EFHD1: variants seen among roughly 807,000 people sequenced by gnomAD.
EFHD1 encodes the protein EF-hand domain family member D1.
A neutral mutation model predicts 17.2 loss-of-function variants in EFHD1; 10 were observed. That is an observed-to-expected ratio of 0.58 (90% CI 0.36 to 0.99). The LOEUF (loss-of-function observed/expected upper bound fraction) is 0.99. EFHD1 is among the 50% of genes least tolerant of loss of function. The pLI is 0.01. For missense variants in EFHD1, 310 were observed against 327.5 expected (o/e 0.95, Z 0.41); for synonymous variants, 153 against 142.0 (o/e 1.08, Z -0.55).
At chr2:232,636,677 A>C (rs1694325205) in intron 1 of EFHD1, among the ~76,000 whole-genome samples, 1 of 152,076 alleles carries the variant, frequency 6.6e-6, no homozygotes, top group South Asian at 2.1e-4. Flanking sequence ...TACAAAAATT[A>C]GCCAGGCATG....
At chr2:232,675,282 A>G (rs569665930) in intron 3 of EFHD1, among the ~76,000 whole-genome samples, 1 of 152,188 alleles carries the variant, frequency 6.6e-6, no homozygotes, top group South Asian at 2.1e-4. Context: ...AAGAAAGAAT[A>G]TGGTGATCAG....
chr2:232,659,813 C>T (rs905669550), intron 1 of EFHD1, among the ~76,000 whole-genome samples: 19 of 152,172 alleles, frequency 1.2e-4, no homozygotes, highest in Non-Finnish European at 1.8e-4. Flanking sequence ...AGCATGGCAG[C>T]GTGTGCTTGG....
At chr2:232,641,269 A>G (rs1694426781) in intron 1 of EFHD1, among the ~76,000 whole-genome samples, 1 of 152,058 alleles carries the variant, frequency 6.6e-6, no homozygotes, top group Admixed American at 6.6e-5. Flanking sequence ...CCTGGGCTCA[A>G]GTGATCCTCC....
chr2:232,632,304 A>G (rs1694217682), upstream of EFHD1, among the ~76,000 whole-genome samples: 1 of 152,236 alleles, frequency 6.6e-6, no homozygotes, highest in African/African-American at 2.4e-5. Context: ...TTTTAAAAAT[A>G]ACATTTTAAC....
chr2:232,662,749 G>A (rs1323077224), intron 1 of EFHD1, 53 bp from the exon 2 acceptor site: 26 of 1,546,822 alleles, frequency 1.7e-5, no homozygotes, highest in South Asian at 8.8e-5. Flanking sequence ...TACATGTTTC[G>A]GAGACTAACG....
intron 1 of EFHD1, among the ~76,000 whole-genome samples, chr2:232,615,338 T>A (rs997268372): frequency 4.0e-5 from 6 of 151,000 alleles, no homozygotes; most frequent in Non-Finnish European, 8.8e-5. Flanking sequence ...TGTGTGTGTG[T>A]GTGTGTGTGT....
chr2:232,641,844 C>A (rs1287868619), intron 1 of EFHD1, among the ~76,000 whole-genome samples: 3 of 152,144 alleles, frequency 2.0e-5, no homozygotes, highest in Non-Finnish European at 4.4e-5. Flanking sequence ...AGCCTGGTGT[C>A]CCCCCAGTTG....
intron 1 of EFHD1, among the ~76,000 whole-genome samples, chr2:232,607,294 T>A (rs1026298350): frequency 6.6e-6 from 1 of 151,432 alleles, no homozygotes; most frequent in Non-Finnish European, 1.5e-5. Context: ...ATTTAAAAAT[T>A]AGCCGGTCGG....
chr2:232,656,225 G>A (rs143336789), intron 1 of EFHD1, among the ~76,000 whole-genome samples: 94 of 152,266 alleles, frequency 6.2e-4, no homozygotes, highest in African/African-American at 2.1e-3. Context: ...GGGTAGGACT[G>A]TGGCCCTTGC....
intron 1 of EFHD1, among the ~76,000 whole-genome samples, chr2:232,616,867 G>A (rs893104148): frequency 2.0e-5 from 3 of 152,190 alleles, no homozygotes; most frequent in Non-Finnish European, 4.4e-5. Flanking sequence ...AAACTTAGTG[G>A]CATAAAGCAG....
chr2:232,614,009 CAT>C (rs202153447), intron 1 of EFHD1, among the ~76,000 whole-genome samples: 31 of 151,448 alleles, frequency 2.0e-4, no homozygotes, highest in East Asian at 9.8e-4. Context: ...TGCACATACA[CAT>C]ATACACACAA....
chr2:232,652,402 C>A (rs1017766036), intron 1 of EFHD1, among the ~76,000 whole-genome samples: 1 of 152,132 alleles, frequency 6.6e-6, no homozygotes, highest in Non-Finnish European at 1.5e-5. Context: ...CTTCCAAGTT[C>A]ACGGGTACAT....
intron 1 of EFHD1, among the ~76,000 whole-genome samples, chr2:232,646,240 G>A (rs900785462): frequency 6.6e-6 from 1 of 152,018 alleles, no homozygotes; most frequent in Non-Finnish European, 1.5e-5. Flanking sequence ...GACTCCTCAT[G>A]TGGACCCTTA....
rs76784189 is a variant in EFHD1 at position 232,624,152 on chromosome 2, A to G, written c.14+17979A>G. On this transcript the variant is annotated intron_variant, in intron 1 of 3. Transcript: ENST00000409613. The stretch of plus-strand genomic sequence containing the variant: ...TTTTGCTGCTCCTGTCGGGTGAGGA[A>G]TAAGACTGATGTTTTCTTTATTTTG... Among the ~76,000 whole-genome samples, 1,334 of 152,316 alleles carry G rather than the reference A, an allele frequency of 8.8e-3. 33 individuals are homozygous for G. The highest frequency in any genetic ancestry group is 0.076 in the East Asian group (393 of 5,178).
upstream of EFHD1, among the ~76,000 whole-genome samples, chr2:232,629,384 ATTCTTCTTCACT>A (rs1694161849): frequency 6.6e-6 from 1 of 152,176 alleles, no homozygotes; most frequent in Non-Finnish European, 1.5e-5. Context: ...TCCGCCCTCC[ATTCTTCTTCACT>A]ATAAACAAGA....
intron 1 of EFHD1, among the ~76,000 whole-genome samples, chr2:232,613,633 TATACACACACATACACACACACACAA>T (rs1693848983): frequency 2.0e-5 from 2 of 100,016 alleles, no homozygotes; most frequent in Non-Finnish European, 3.9e-5. Flanking sequence ...CACACACACA[TATACACACACATACACACACACACAA>T]ATACACACAC....
intron 1 of EFHD1, among the ~76,000 whole-genome samples, chr2:232,624,109 G>A (rs527387996): frequency 1.7e-4 from 26 of 152,322 alleles, no homozygotes; most frequent in South Asian, 1.0e-3. Flanking sequence ...CCCTGCAGCC[G>A]TTTAGGACTC....
chr2:232,681,203 AG>A (rs1695276434), intron 3 of EFHD1, among the ~76,000 whole-genome samples: 1 of 152,172 alleles, frequency 6.6e-6, no homozygotes, highest in Non-Finnish European at 1.5e-5. Flanking sequence ...AAATCCCATC[AG>A]GGGATTCATT....
rs145595993 is a variant in EFHD1 at position 232,680,751 on chromosome 2, C to T, written c.586-834C>T. Among the ~76,000 whole-genome samples the T allele has an allele frequency of 2.3e-3, 349 of 152,134 alleles. 6 individuals carry two copies. The highest frequency in any genetic ancestry group is 0.017 in the Admixed American group (263 of 15,274). On this transcript the variant is annotated intron_variant, in intron 3 of 3. Coordinates refer to ENST00000264059, the MANE Select transcript of EFHD1 (RefSeq NM_025202.4). Reference sequence around the variant, plus strand: ...CTCAAGCTCCTGGCCTCAGGTGATCCGCCCGCTTCAGCCTCCCAAAGTGCT... The same window carrying T: ...CTCAAGCTCCTGGCCTCAGGTGATCTGCCCGCTTCAGCCTCCCAAAGTGCT...
Sources: gnomAD v4.1 joint callset for allele counts (sites outside exome capture counted in the v4.1 genomes callset) on GRCh38, gnomAD v4.1.1 for gene constraint, MANE v1.5 for transcripts, NCBI Gene and HGNC (gene_info 2026-07-23, HGNC 2026-07-21) for gene names.